Variants in SEMA6A observed in about 807,000 individuals in gnomAD.
SEMA6A encodes semaphorin-6A.
Under a neutral mutation model 96.8 loss-of-function variants are expected in SEMA6A, and 25 were observed. The observed-to-expected ratio is 0.26, with a 90% CI of 0.19 to 0.36. The LOEUF (loss-of-function observed/expected upper bound fraction) is 0.36, where lower values mean the gene tolerates loss of function less well. SEMA6A is among the 10% of genes least tolerant of loss of function. The pLI, the probability that SEMA6A is intolerant of heterozygous loss-of-function variation, is 1.00. For missense variants in SEMA6A, 1,363 were observed against 1,323.1 expected (o/e 1.03, Z -0.47); for synonymous variants, 612 against 518.0 (o/e 1.18, Z -2.46).
chr5:116,572,230 CGT>C lies in SEMA6A; in HGVS notation c.-39+1953_-39+1954del, dbSNP rs1057438841. ...TTGTGCGTACAAGGGCGAGTGTGTG[CGT>C]GTGTGTGTCCATGCACGCCTGTGTT... On this transcript the variant is annotated intron_variant, in intron 1 of 18. Coordinates refer to ENST00000343348, the MANE Select transcript of SEMA6A (RefSeq NM_020796.5). Among the ~76,000 whole-genome samples, 10 of 152,218 alleles carry C rather than the reference CGT, an allele frequency of 6.6e-5. No individual in the cohort carries two copies. In the East Asian group the frequency reaches 9.7e-4, roughly 15 times the overall value.
chr5:116,495,647 G>A (rs1757560136), intron 5 of SEMA6A, 133 bp from the exon 6 acceptor site: 1 of 615,498 alleles, frequency 1.6e-6, no homozygotes, highest in Non-Finnish European at 2.8e-6. Context: ...AAAAGTTCAA[G>A]TTCTTCCTGA....
At chr5:116,513,141 C>G (rs1278179290) in intron 1 of SEMA6A, among the ~76,000 whole-genome samples, 1 of 150,378 alleles carries the variant, frequency 6.6e-6, no homozygotes, top group African/African-American at 2.4e-5. Context: ...TTTTTTTTTC[C>G]CCCGCGACGG....
chr5:116,457,855 C>G (rs919831759), intron 18 of SEMA6A, among the ~76,000 whole-genome samples: 27 of 152,252 alleles, frequency 1.8e-4, no homozygotes, highest in Admixed American at 5.9e-4. Context: ...CTTGCATAAC[C>G]TGTATCTCCC....
At chr5:116,474,144 T>G (rs1756318494) in intron 16 of SEMA6A, among the ~76,000 whole-genome samples, 1 of 151,854 alleles carries the variant, frequency 6.6e-6, no homozygotes. Flanking sequence ...TTTACATGTT[T>G]CACGTATTTT....
intron 1 of SEMA6A, among the ~76,000 whole-genome samples, chr5:116,545,602 G>C (rs1024428058): frequency 3.3e-5 from 5 of 152,090 alleles, no homozygotes; most frequent in African/African-American, 1.2e-4. Context: ...CTTTGTTCAG[G>C]TGTGCTCTGG....
At chr5:116,568,232 T>G (rs1761086265) in intron 1 of SEMA6A, among the ~76,000 whole-genome samples, 1 of 152,172 alleles carries the variant, frequency 6.6e-6, no homozygotes, top group South Asian at 2.1e-4. Flanking sequence ...ACTAAATACA[T>G]TCACATTCAT....
intron 18 of SEMA6A, among the ~76,000 whole-genome samples, chr5:116,458,619 G>C (rs970969898): frequency 6.6e-6 from 1 of 151,994 alleles, no homozygotes; most frequent in Admixed American, 6.6e-5. Flanking sequence ...ATGAATGTTA[G>C]GTTAAAAAAT....
chr5:116,559,549 ACCG>A (rs1760736586), intron 1 of SEMA6A, among the ~76,000 whole-genome samples: 1 of 151,346 alleles, frequency 6.6e-6, no homozygotes, highest in Non-Finnish European at 1.5e-5. Flanking sequence ...GTTACTCCAC[ACCG>A]CCTTGTGTTG....
chr5:116,523,395 C>T (rs948599953), intron 1 of SEMA6A, among the ~76,000 whole-genome samples: 2 of 152,124 alleles, frequency 1.3e-5, no homozygotes, highest in Admixed American at 1.3e-4. Context: ...CTCACTGCAA[C>T]CTCCACCTCT....
intron 1 of SEMA6A, among the ~76,000 whole-genome samples, chr5:116,524,349 T>G (rs1383416400): frequency 1.3e-5 from 2 of 152,198 alleles, no homozygotes; most frequent in African/African-American, 4.8e-5. Context: ...AACTGACTAT[T>G]TATCATCAGT....
intron 16 of SEMA6A, among the ~76,000 whole-genome samples, chr5:116,474,309 C>T (rs1207145649): frequency 6.8e-6 from 1 of 147,988 alleles, no homozygotes; most frequent in Non-Finnish European, 1.5e-5. Context: ...CACACACACA[C>T]ATCTTAAAAC....
intron 1 of SEMA6A, among the ~76,000 whole-genome samples, chr5:116,566,212 T>G (rs998660684): frequency 6.6e-6 from 1 of 152,164 alleles, no homozygotes; most frequent in Admixed American, 6.6e-5. Context: ...CTTTGAAGCG[T>G]AGAGGGGCAG....
At position 116,447,158 on chromosome 5, in the gene SEMA6A, G is replaced by A; in HGVS notation, c.2548C>T (p.Leu850=). 6.2e-7 allele frequency: 1 copy of A among 1,614,022 alleles called. No individual in the cohort carries two copies. The highest frequency in any genetic ancestry group is 8.5e-7 in the Non-Finnish European group (1 of 1,179,890). ...QMALEDQAAT[L]EYKTIKEHLS... is the part of the protein sequence containing the mutation. ...TGTTCCTTGATGGTCTTATACTCCA[G>A]TGTGGCGGCCTGGTCCTCCAGCGCC... The change falls in exon 19 of 19, where the codon CTG becomes TTG. Residue 850 remains leucine (L), a synonymous_variant. Transcript: ENST00000343348.
intron 1 of SEMA6A, among the ~76,000 whole-genome samples, chr5:116,556,905 A>G (rs1314107634): frequency 6.6e-6 from 1 of 152,208 alleles, no homozygotes; most frequent in African/African-American, 2.4e-5. Context: ...TGCCATCATT[A>G]TACATGCAAA....
At chr5:116,513,055 G>A (rs1758493778) in intron 1 of SEMA6A, among the ~76,000 whole-genome samples, 1 of 151,832 alleles carries the variant, frequency 6.6e-6, no homozygotes, top group Non-Finnish European at 1.5e-5. Flanking sequence ...TACATGAGAT[G>A]TTTTGATACA....
chr5:116,503,124 C>T (rs529684641), intron 2 of SEMA6A, among the ~76,000 whole-genome samples: 7 of 152,268 alleles, frequency 4.6e-5, no homozygotes, highest in African/African-American at 1.4e-4. Context: ...TGCCTTTACA[C>T]CTACGATCTC....
rs1230961778 is a variant in SEMA6A, at chr5:116,447,479, T to C, written c.2227A>G (p.Ile743Val). ...ATPGNTAKML[I>V]KADQHHLDLT... Reference sequence around the variant, plus strand: ...TCCAGGTGGTGCTGGTCTGCTTTAATGAGCATCTTGGCCGTGTTGCCGGGA... The same window carrying C: ...TCCAGGTGGTGCTGGTCTGCTTTAACGAGCATCTTGGCCGTGTTGCCGGGA... Residue 743 changes from isoleucine to valine, a missense_variant, in exon 19 of 19, where the codon ATT becomes GTT. This residue lies in a region of SEMA6A where 883 missense variants were observed against 763.6 expected (regional missense o/e 1.16). Coordinates refer to ENST00000343348, the MANE Select transcript of SEMA6A (RefSeq NM_020796.5). 6.2e-6 allele frequency: 10 copies of C among 1,614,004 alleles called. No homozygotes were observed. The highest frequency in any genetic ancestry group is 8.5e-6 in the Non-Finnish European group (10 of 1,179,848).
intron 18 of SEMA6A, among the ~76,000 whole-genome samples, chr5:116,451,908 C>A (rs1392146454): frequency 6.6e-6 from 1 of 151,476 alleles, no homozygotes; most frequent in Non-Finnish European, 1.5e-5. Flanking sequence ...CCAAAAGAGT[C>A]GATGACGATA....
At chr5:116,564,128 G>T (rs781139802) in intron 1 of SEMA6A, among the ~76,000 whole-genome samples, 59 of 152,306 alleles carry the variant, frequency 3.9e-4, no homozygotes, top group African/African-American at 1.4e-3. Context: ...GTTGGGTAAC[G>T]GATGGGTCAA....
Sources: allele counts gnomAD v4.1 joint callset (sites outside exome capture counted in the v4.1 genomes callset), GRCh38; gene constraint gnomAD v4.1.1; regional missense constraint gnomAD v4.1.1; transcripts MANE v1.5; gene names NCBI Gene and HGNC (gene_info 2026-07-23, HGNC 2026-07-21).